SLC6A6: variants seen among roughly 807,000 people sequenced by gnomAD.
SLC6A6 encodes the protein solute carrier family 6 member 6, also known as sodium- and chloride-dependent taurine transporter.
A neutral mutation model predicts 68.8 loss-of-function variants in SLC6A6; 16 were observed. The ratio of observed to expected loss-of-function variants is 0.23; its 90% CI spans 0.16 to 0.35. The LOEUF (loss-of-function observed/expected upper bound fraction) is 0.35, where lower values mean the gene tolerates loss of function less well. Ranked by LOEUF, SLC6A6 falls within the 10% of genes least tolerant of loss-of-function variation. The pLI is 1.00. For synonymous variants in SLC6A6, 312 were observed against 315.4 expected (o/e 0.99, Z 0.12); for missense variants, 474 against 802.8 (o/e 0.59, Z 4.95).
chr3:14,414,552 G>A (rs1362974307), intron 1 of SLC6A6, among the ~76,000 whole-genome samples: 1 of 151,840 alleles, frequency 6.6e-6, no homozygotes, highest in Non-Finnish European at 1.5e-5. Flanking sequence ...AAGAGACAGG[G>A]TCTCACTCTG....
At chr3:14,421,152 T>C (rs1362625987) in intron 2 of SLC6A6, among the ~76,000 whole-genome samples, 1 of 152,178 alleles carries the variant, frequency 6.6e-6, no homozygotes, top group African/African-American at 2.4e-5. Context: ...TTCGGGACTT[T>C]AGGAAACGGG....
At chr3:14,470,165 TCCTC>T (rs1179914951) in intron 9 of SLC6A6, among the ~76,000 whole-genome samples, 1 of 152,190 alleles carries the variant, frequency 6.6e-6, no homozygotes. Flanking sequence ...CAATGTATCT[TCCTC>T]CATGGACAAC....
chr3:14,402,652 C>A lies in SLC6A6; in HGVS notation c.-249C>A, dbSNP rs576289436. Reference sequence around the variant, plus strand: ...CAGACACGCGAGGTCAGGAAGAAGCCGCTTATAAATTACCGCTTCCTTCGC... The same window carrying A: ...CAGACACGCGAGGTCAGGAAGAAGCAGCTTATAAATTACCGCTTCCTTCGC... On this transcript the variant is annotated 5_prime_UTR_variant, in exon 1 of 15. Transcript: ENST00000622186. This position sits in a 1 kb window ranked among gnomAD's most constrained non-coding sequence, Gnocchi z 4.8. 98 of 398,144 alleles carry A rather than the reference C, an allele frequency of 2.5e-4. No individual in the cohort carries two copies. Among genetic ancestry groups the A allele is most frequent in the African/African-American group, 1.9e-3 (92 of 48,672 alleles). The allele number at this position is 398,144 out of a possible 1,614,324, so 24.7% of individuals were successfully genotyped here.
intron 5 of SLC6A6, among the ~76,000 whole-genome samples, chr3:14,457,224 G>A (rs568934869): frequency 6.6e-5 from 10 of 152,180 alleles, no homozygotes; most frequent in Non-Finnish European, 8.8e-5. Flanking sequence ...TGACTGTCCC[G>A]TGCCAATTAT....
chr3:14,472,430 C>G lies in SLC6A6; in HGVS notation c.1209+113C>G, dbSNP rs1700773326. 1.5e-6 allele frequency: 1 copy of G among 689,258 alleles called. No individual in the cohort carries two copies. The highest frequency in any genetic ancestry group is 2.5e-5 in the East Asian group (1 of 40,002). The allele number at this position is 689,258 out of a possible 1,614,324, so 42.7% of individuals were successfully genotyped here. A position where few individuals can be genotyped will look rare whatever the true frequency, so the allele number is the denominator to read the frequency against. ...AACCCCCTTCCCCCCTCCAGTCAGA[C>G]TTCCAGTGCTTCAGCTGTGAGGGTT... On this transcript the variant is annotated intron_variant, in intron 10 of 14. Coordinates refer to ENST00000622186, the MANE Select transcript of SLC6A6 (RefSeq NM_003043.6). The surrounding 1 kb of genome is among the most constrained non-coding windows in gnomAD (Gnocchi z 4.5).
Position 14,435,588 on chromosome 3 carries a change from C to T in SLC6A6, c.-11-8036C>T, listed in dbSNP as rs535683674. 4.6e-5 allele frequency among the ~76,000 whole-genome samples: 7 copies of T among 152,204 alleles called. No individual in the cohort carries two copies. In the South Asian group the frequency reaches 1.0e-3, roughly 22 times the overall value. ...TGCCTGGCTTCCTGGATGACCTCAC[C>T]GGGACAAGCCATCAGGGCTGTAGGC... On this transcript the variant is annotated intron_variant, in intron 2 of 14. Transcript: ENST00000622186.
At chr3:14,425,395 G>T (rs570251214) in intron 2 of SLC6A6, among the ~76,000 whole-genome samples, 57 of 152,330 alleles carry the variant, frequency 3.7e-4, no homozygotes, top group Admixed American at 1.0e-3. Flanking sequence ...AGCCCAAGCA[G>T]CAGAGGCAGG....
At chr3:14,466,469 G>T (rs1425368419) in intron 6 of SLC6A6, 47 bp from the exon 7 acceptor site, 1 of 1,576,080 alleles carries the variant, frequency 6.3e-7, no homozygotes, top group Non-Finnish European at 8.7e-7. Context: ...AGACTTAGCA[G>T]CAGCAAGTGA....
chr3:14,414,201 A>T (rs1357049417), intron 1 of SLC6A6, among the ~76,000 whole-genome samples: 3 of 152,116 alleles, frequency 2.0e-5, no homozygotes, highest in African/African-American at 7.2e-5. Context: ...TCACCAGTGT[A>T]GTGCCGCCCC....
At chr3:14,452,858 C>G (rs1700284193) in intron 5 of SLC6A6, among the ~76,000 whole-genome samples, 1 of 152,228 alleles carries the variant, frequency 6.6e-6, no homozygotes, top group Non-Finnish European at 1.5e-5. Context: ...CAAGGTCGCC[C>G]TGGAGGACAG....
chr3:14,484,416 G>A (rs1465464024), intron 14 of SLC6A6, among the ~76,000 whole-genome samples: 1 of 152,216 alleles, frequency 6.6e-6, no homozygotes, highest in Non-Finnish European at 1.5e-5. Context: ...GAGGAGTTTG[G>A]AGTTTCTCCT....
rs1350932965 is a variant in SLC6A6 at position 14,468,305 on chromosome 3, GA to G, written c.1096+94del. ...ATGAAGCCAGACCCCAGGGGGCTTT[GA>G]GGGGGGACGAGCCTGGTTTCTAAAA... On this transcript the variant is annotated intron_variant, in intron 9 of 14. Transcript: ENST00000622186. This position sits in a 1 kb window ranked among gnomAD's most constrained non-coding sequence, Gnocchi z 4.5. 1.8e-6 allele frequency: 2 copies of G among 1,098,342 alleles called. No homozygotes were observed. The highest frequency in any genetic ancestry group is 2.5e-6 in the Non-Finnish European group (2 of 794,200). The allele number at this position is 1,098,342 out of a possible 1,614,324, so 68.0% of individuals were successfully genotyped here.
At chr3:14,445,974 A>C in intron 4 of SLC6A6, 123 bp downstream of exon 4, 1 of 941,528 alleles carries the variant, frequency 1.1e-6, no homozygotes, top group Non-Finnish European at 1.6e-6. Flanking sequence ...CTATGCTGAC[A>C]CAAGATAGCA....
chr3:14,432,939 G>T (rs1009239590), intron 2 of SLC6A6, among the ~76,000 whole-genome samples: 1 of 152,238 alleles, frequency 6.6e-6, no homozygotes, highest in African/African-American at 2.4e-5. Context: ...CAGGCTGTCA[G>T]GCCCAGCTCT....
intron 2 of SLC6A6, among the ~76,000 whole-genome samples, chr3:14,434,184 G>C (rs1177305385): frequency 1.3e-5 from 2 of 152,192 alleles, no homozygotes; most frequent in Non-Finnish European, 2.9e-5. Context: ...CGAGCTTCTG[G>C]GTTTGAATCC....
chr3:14,415,525 C>A (rs1485979754), intron 1 of SLC6A6, among the ~76,000 whole-genome samples: 3 of 152,148 alleles, frequency 2.0e-5, no homozygotes, highest in African/African-American at 7.2e-5. Context: ...TCTGCTGATC[C>A]CAGTTTAACA....
rs577103802 is a variant in SLC6A6, at chr3:14,421,145, G to A, written c.-12+4692G>A. On this transcript the variant is annotated intron_variant, in intron 2 of 14. Transcript: ENST00000622186. ...ACCTCCCTGGGGAGCTCCTGCCTTC[G>A]GGACTTTAGGAAACGGGATTTAAAA... 1.1e-4 allele frequency among the ~76,000 whole-genome samples: 17 copies of A among 152,316 alleles called. 1 individual carries two copies. In the South Asian group the frequency reaches 3.3e-3, roughly 30 times the overall value.
intron 2 of SLC6A6, among the ~76,000 whole-genome samples, chr3:14,442,096 C>T (rs887115551): frequency 5.9e-5 from 9 of 152,198 alleles, no homozygotes; most frequent in African/African-American, 2.2e-4. Context: ...GTGAGCTGGC[C>T]AGGGTGTGGT....
In SLC6A6 at chr3:14,486,982, T is replaced by TC. The variant is rs1200146366; in HGVS notation, c.*1978dup. ...TGTCTGATTTGATTTTACTGTTTTTTCCCTGATTTTATGGAGTAGCATTGT... is the reference window on the plus strand; with the variant it reads ...TGTCTGATTTGATTTTACTGTTTTTTCCCCTGATTTTATGGAGTAGCATTGT... On this transcript the variant is annotated 3_prime_UTR_variant, in exon 15 of 15. Coordinates refer to ENST00000622186, the MANE Select transcript of SLC6A6 (RefSeq NM_003043.6). 6.6e-6 allele frequency: 1 copy of TC among 152,542 alleles called. No individual in the cohort carries two copies. Among genetic ancestry groups the TC allele is most frequent in the Admixed American group, 6.5e-5 (1 of 15,288 alleles). 9.4% of individuals were successfully genotyped at this position (152,542 alleles called of 1,614,324 possible).
Sources: gnomAD v4.1 joint callset for allele counts (sites outside exome capture counted in the v4.1 genomes callset) on GRCh38, gnomAD v4.1.1 for gene constraint, Gnocchi (gnomAD v3.1) non-coding constraint, MANE v1.5 for transcripts, NCBI Gene and HGNC (gene_info 2026-07-23, HGNC 2026-07-21) for gene names.